DAAM2: variants seen among roughly 807,000 people sequenced by gnomAD.
The protein encoded by DAAM2 is disheveled-associated activator of morphogenesis 2.
Under a neutral mutation model 120.7 loss-of-function variants are expected in DAAM2, and 39 were observed. That is an observed-to-expected ratio of 0.32 (90% confidence interval 0.25 to 0.42). The LOEUF (loss-of-function observed/expected upper bound fraction) is 0.42, where lower values mean the gene tolerates loss of function less well. Among genes scored for constraint, DAAM2 ranks in the 10% least tolerant of loss-of-function variants. The probability of loss-of-function intolerance (pLI) is 1.00; values close to 1 mark genes in which losing one functional copy is unlikely to be tolerated. For synonymous variants in DAAM2, 488 were observed against 524.9 expected, an observed-to-expected ratio of 0.93 and a Z score of 0.96; for missense variants, 1,283 against 1,401.7, an observed-to-expected ratio of 0.92 and a Z score of 1.35.
At chr6:39,867,921 C>A in intron 6 of DAAM2, 78 bp downstream of exon 6, 3 of 1,282,256 alleles carry the variant, frequency 2.3e-6, no homozygotes, top group Middle Eastern at 2.6e-4. Flanking sequence ...CCTGAAGATT[C>A]TTTGCAGCAG....
chr6:39,888,832 C>A, intron 17 of DAAM2, 69 bp downstream of exon 17: 2 of 1,214,658 alleles, frequency 1.6e-6, no homozygotes, highest in Non-Finnish European at 1.2e-6. Context: ...CCAACAGCCC[C>A]CAGGAGGCTG....
chr6:39,876,447 G>A (rs574755363), intron 11 of DAAM2, among the ~76,000 whole-genome samples: 3 of 152,246 alleles, frequency 2.0e-5, no homozygotes, highest in East Asian at 3.9e-4. Flanking sequence ...ATCAAAAGGT[G>A]ACTTTAGTTT....
At chr6:39,881,900 T>C (rs1765136354) in intron 14 of DAAM2, 1 of 151,956 alleles carries the variant, frequency 6.6e-6, no homozygotes, top group Non-Finnish European at 1.5e-5. Flanking sequence ...AAAAAAATCA[T>C]GGAGACTCAG....
chr6:39,858,737 G>T (rs1242999292), intron 2 of DAAM2, among the ~76,000 whole-genome samples: 1 of 152,168 alleles, frequency 6.6e-6, no homozygotes, highest in Non-Finnish European at 1.5e-5. Context: ...AGACAGTGGG[G>T]CCCTAGGGTC....
chr6:39,901,357 A>C lies in DAAM2; in HGVS notation c.2867A>C (p.Glu956Ala). 1 of 1,613,944 alleles carries C rather than the reference A, an allele frequency of 6.2e-7. No individual in the cohort carries two copies. Among genetic ancestry groups the C allele is most frequent in the Non-Finnish European group, 8.5e-7 (1 of 1,179,866 alleles). The change falls in exon 24 of 25, where the codon GAA becomes GCA. Residue 956 changes from glutamate (E) to alanine (A), a missense_variant. This residue lies in a region of DAAM2 where 748 missense variants were observed against 768.6 expected (regional missense o/e 0.97). Coordinates refer to ENST00000274867, the MANE Select transcript of DAAM2 (RefSeq NM_001201427.2). This position sits in a 1 kb window ranked among gnomAD's most constrained non-coding sequence, Gnocchi z 4.5. ...CATGACAGCAAGATGCAGCCAGACGAATTCTTTGGCATCTTTGATACCTTC... is the reference window on the plus strand; with the variant it reads ...CATGACAGCAAGATGCAGCCAGACGCATTCTTTGGCATCTTTGATACCTTC... ...GEHDSKMQPD[E>A]FFGIFDTFLQ...
intron 1 of DAAM2, among the ~76,000 whole-genome samples, chr6:39,837,368 G>C (rs1369071227): frequency 6.6e-6 from 1 of 152,046 alleles, no homozygotes; most frequent in Non-Finnish European, 1.5e-5. Context: ...GAGTGCATTT[G>C]GCCAGTAAAC....
chr6:39,838,440 AC>A (rs1346374399), intron 1 of DAAM2, among the ~76,000 whole-genome samples: 1 of 152,160 alleles, frequency 6.6e-6, no homozygotes, highest in African/African-American at 2.4e-5. Context: ...CTCAATGAAA[AC>A]AAAACGCAGG....
At chr6:39,819,935 C>T (rs1762432942) in intron 1 of DAAM2, 1 of 152,260 alleles carries the variant, frequency 6.6e-6, no homozygotes, top group Non-Finnish European at 1.5e-5. Context: ...GGGAATTCTG[C>T]CTCAACCTAT....
intron 1 of DAAM2, among the ~76,000 whole-genome samples, chr6:39,852,278 T>C (rs1392837175): frequency 6.6e-6 from 1 of 152,204 alleles, no homozygotes; most frequent in Non-Finnish European, 1.5e-5. Context: ...GGAAAACTCA[T>C]TGTTCCTCTT....
intron 1 of DAAM2, among the ~76,000 whole-genome samples, chr6:39,850,200 A>G (rs1339019781): frequency 6.6e-6 from 1 of 152,200 alleles, no homozygotes; most frequent in African/African-American, 2.4e-5. Flanking sequence ...CTCTGGGCTC[A>G]CACATGCTGT....
At chr6:39,811,554 C>G (rs1459331571) in intron 1 of DAAM2, among the ~76,000 whole-genome samples, 1 of 152,180 alleles carries the variant, frequency 6.6e-6, no homozygotes. Flanking sequence ...GGAACGTCTG[C>G]CTGGATTTAC....
At chr6:39,831,002 G>T (rs779134505) in intron 1 of DAAM2, among the ~76,000 whole-genome samples, 3 of 152,204 alleles carry the variant, frequency 2.0e-5, no homozygotes, top group Non-Finnish European at 4.4e-5. Context: ...ACATCAACGT[G>T]AGGGTGTGGG....
intron 3 of DAAM2, chr6:39,862,333 A>C (rs1213443868): frequency 1.3e-5 from 2 of 152,224 alleles, no homozygotes; most frequent in African/African-American, 4.8e-5. Context: ...GTGTTTATGC[A>C]TCTCATTGTG....
chr6:39,805,796 C>T (rs1378781735), intron 1 of DAAM2, among the ~76,000 whole-genome samples: 1 of 152,146 alleles, frequency 6.6e-6, no homozygotes, highest in Non-Finnish European at 1.5e-5. Context: ...TCATGATCCA[C>T]CCGCCTTGGC....
intron 1 of DAAM2, among the ~76,000 whole-genome samples, chr6:39,846,984 G>C (rs1763620455): frequency 6.6e-6 from 1 of 152,262 alleles, no homozygotes; most frequent in South Asian, 2.1e-4. Flanking sequence ...CTACCCCCTA[G>C]TTACTGCCCC....
At chr6:39,892,198 C>T (rs941687336) in intron 19 of DAAM2, among the ~76,000 whole-genome samples, 1 of 152,232 alleles carries the variant, frequency 6.6e-6, no homozygotes, top group Admixed American at 6.5e-5. Context: ...GAGTCAGGAA[C>T]ACTTCCAATA....
intron 1 of DAAM2, among the ~76,000 whole-genome samples, chr6:39,824,732 C>G (rs534939700): frequency 6.6e-6 from 1 of 152,124 alleles, no homozygotes; most frequent in Non-Finnish European, 1.5e-5. Context: ...CCCACTGGTG[C>G]CTTCTCGGCA....
chr6:39,871,373 C>T (rs1350831062), intron 8 of DAAM2, 133 bp from the exon 9 acceptor site: 2 of 800,526 alleles, frequency 2.5e-6, no homozygotes, highest in East Asian at 5.5e-5. Context: ...GGCTTCTTTC[C>T]CATTTTGCCT....
At chr6:39,815,923 C>G (rs1383937832) in intron 1 of DAAM2, among the ~76,000 whole-genome samples, 1 of 152,188 alleles carries the variant, frequency 6.6e-6, no homozygotes, top group Non-Finnish European at 1.5e-5. Context: ...TCTCCAGCCC[C>G]ACTCCTCAAC....
Sources: gnomAD v4.1 joint callset for allele counts (sites outside exome capture counted in the v4.1 genomes callset) on GRCh38, gnomAD v4.1.1 for gene constraint, gnomAD v4.1.1 regional missense constraint, Gnocchi (gnomAD v3.1) non-coding constraint, MANE v1.5 for transcripts, NCBI Gene and HGNC (gene_info 2026-07-23, HGNC 2026-07-21) for gene names.